The following LINGO2 variants were observed in gnomAD, a reference collection of about 807,000 sequenced individuals.
LINGO2 encodes leucine-rich repeat and immunoglobulin-like domain-containing nogo receptor-interacting protein 2.
In LINGO2, 14 loss-of-function variants were observed where a neutral mutation model predicts 30.6. The observed-to-expected ratio is 0.46, with a 90% CI of 0.30 to 0.72. The LOEUF (loss-of-function observed/expected upper bound fraction) is 0.72. Ranked by LOEUF, LINGO2 falls within the 30% of genes least tolerant of loss-of-function variation. The pLI is 0.07. For missense variants in LINGO2, 729 were observed against 751.7 expected (o/e 0.97, Z 0.35); for synonymous variants, 317 against 288.5 (o/e 1.10, Z -1.00).
intron 1 of LINGO2, among the ~76,000 whole-genome samples, chr9:28,581,658 G>A (rs1824264173): frequency 6.6e-6 from 1 of 151,452 alleles, no homozygotes; most frequent in African/African-American, 2.4e-5. Flanking sequence ...AGATTCTTGT[G>A]AATAGATGCT....
chr9:28,117,195 T>TG (rs924994945), intron 4 of LINGO2, among the ~76,000 whole-genome samples: 12 of 151,854 alleles, frequency 7.9e-5, no homozygotes, highest in African/African-American at 1.2e-4. Flanking sequence ...GTGCCCCTGG[T>TG]GGGGGGTGCC....
the LINGO2 span, among the ~76,000 whole-genome samples, chr9:29,120,912 T>C: frequency 1.3e-5 from 2 of 152,136 alleles, no homozygotes; most frequent in African/African-American, 4.8e-5. Flanking sequence ...AAATGGTGTA[T>C]AATAAGTGGT....
chr9:28,174,779 C>T (rs1276201365), intron 4 of LINGO2, among the ~76,000 whole-genome samples: 1 of 152,076 alleles, frequency 6.6e-6, no homozygotes, highest in African/African-American at 2.4e-5. Context: ...ACATCGAATC[C>T]AGTGCCTGCT....
At chr9:28,992,822 C>G in the LINGO2 span, among the ~76,000 whole-genome samples, 4 of 151,846 alleles carry the variant, frequency 2.6e-5, no homozygotes, top group African/African-American at 9.7e-5. Flanking sequence ...CCAACGAGAA[C>G]GAAGACACAA....
intron 4 of LINGO2, among the ~76,000 whole-genome samples, chr9:28,017,926 G>A (rs1165355959): frequency 6.6e-6 from 1 of 152,112 alleles, no homozygotes; most frequent in Non-Finnish European, 1.5e-5. Context: ...GAAGAAAGCT[G>A]GAGGCATCAC....
intron 4 of LINGO2, among the ~76,000 whole-genome samples, chr9:28,034,051 G>T (rs1823812781): frequency 6.6e-6 from 1 of 152,298 alleles, no homozygotes; most frequent in African/African-American, 2.4e-5. Flanking sequence ...TGCTCTGGAG[G>T]TCTCGGGCCC....
intron 2 of LINGO2, among the ~76,000 whole-genome samples, chr9:28,451,757 A>G (rs1024447477): frequency 6.6e-6 from 1 of 151,730 alleles, no homozygotes; most frequent in Non-Finnish European, 1.5e-5. Flanking sequence ...ATCTGATATT[A>G]TAAAGGGATT....
intron 3 of LINGO2, among the ~76,000 whole-genome samples, chr9:28,314,000 C>G (rs1824734435): frequency 6.6e-6 from 1 of 152,050 alleles, no homozygotes. Flanking sequence ...GTGGCGCGAT[C>G]TTGGCTCACT....
At chr9:28,473,579 G>C (rs1336654110) in intron 2 of LINGO2, among the ~76,000 whole-genome samples, 1 of 151,958 alleles carries the variant, frequency 6.6e-6, no homozygotes, top group Admixed American at 6.6e-5. Context: ...CCTTTTCAGA[G>C]GGAGCAGAAA....
the LINGO2 span, among the ~76,000 whole-genome samples, chr9:28,892,030 C>T: frequency 2.0e-5 from 3 of 151,836 alleles, no homozygotes; most frequent in East Asian, 5.8e-4. Context: ...ACAAAATAAA[C>T]TGTTGGAAAT....
At chr9:28,690,079 G>A in the LINGO2 span, among the ~76,000 whole-genome samples, 5 of 152,226 alleles carry the variant, frequency 3.3e-5, no homozygotes, top group African/African-American at 9.6e-5. Flanking sequence ...CGGAGGGTGC[G>A]GGGTGGGAGG....
chr9:28,961,892 T>C, the LINGO2 span, among the ~76,000 whole-genome samples: 890 of 152,086 alleles, frequency 5.9e-3, 8 homozygotes, highest in African/African-American at 0.021. Flanking sequence ...ACTCAAAGAG[T>C]CCTCTGTGGA....
intron 4 of LINGO2, among the ~76,000 whole-genome samples, chr9:28,229,599 T>C (rs1005356235): frequency 2.6e-5 from 4 of 151,768 alleles, no homozygotes; most frequent in African/African-American, 2.4e-5. Flanking sequence ...TAATATGTGA[T>C]GACAGAATAG....
the LINGO2 span, among the ~76,000 whole-genome samples, chr9:28,871,570 TA>T: frequency 6.6e-6 from 1 of 151,856 alleles, no homozygotes; most frequent in Admixed American, 6.6e-5. Flanking sequence ...ATGTAATATA[TA>T]AAAATATTAA....
intron 1 of LINGO2, among the ~76,000 whole-genome samples, chr9:28,667,051 A>G (rs1828829491): frequency 6.6e-6 from 1 of 152,190 alleles, no homozygotes; most frequent in South Asian, 2.1e-4. Flanking sequence ...AACGACTTAT[A>G]GAATAATAAA....
the LINGO2 span, among the ~76,000 whole-genome samples, chr9:28,977,195 C>A: frequency 6.6e-6 from 1 of 152,016 alleles, no homozygotes; most frequent in African/African-American, 2.4e-5. Flanking sequence ...ACTCACCTAG[C>A]AAAACTATGG....
chr9:29,148,478 T>C, the LINGO2 span, among the ~76,000 whole-genome samples: 4 of 152,186 alleles, frequency 2.6e-5, no homozygotes, highest in Admixed American at 2.6e-4. Flanking sequence ...TCTATGATTA[T>C]AGTGGCCCCC....
chr9:28,960,516 C>T, the LINGO2 span, among the ~76,000 whole-genome samples: 3 of 150,636 alleles, frequency 2.0e-5, no homozygotes, highest in African/African-American at 7.3e-5. Context: ...AACGAACAAA[C>T]AGAAAATGTC....
chr9:28,637,552 GA>G (rs1827342599), intron 1 of LINGO2, among the ~76,000 whole-genome samples: 1 of 152,094 alleles, frequency 6.6e-6, no homozygotes, highest in Non-Finnish European at 1.5e-5. Flanking sequence ...TTGTAAGTTG[GA>G]TTCCTAAGTA....
Sources: allele counts gnomAD v4.1 joint callset (sites outside exome capture counted in the v4.1 genomes callset), GRCh38; gene constraint gnomAD v4.1.1; transcripts MANE v1.5; gene names NCBI Gene and HGNC (gene_info 2026-07-23, HGNC 2026-07-21).